Variants in FMNL1 observed in about 807,000 individuals in gnomAD.
FMNL1 encodes the protein formin like 1.
FMNL1 carries 43 observed loss-of-function variants against 121.3 expected under a neutral mutation model. The observed-to-expected ratio is 0.35, with a 90% CI of 0.28 to 0.46. The LOEUF is 0.46. Among genes scored for constraint, FMNL1 ranks in the 20% least tolerant of loss-of-function variants. The pLI is 1.00. For synonymous variants in FMNL1, 613 were observed against 613.5 expected (o/e 1.00, Z 0.01); for missense variants, 1,191 against 1,482.4 (o/e 0.80, Z 3.23).
At chr17:45,240,729 A>G (rs2143528393) in intron 12 of FMNL1, 104 bp downstream of exon 12, 2 of 1,446,024 alleles carry the variant, frequency 1.4e-6, no homozygotes, top group Non-Finnish European at 1.8e-6. Context: ...CAGTGTTATA[A>G]TTGTGCATTG....
In FMNL1 at chr17:45,246,559, T is replaced by C. The variant is rs2043842497; in HGVS notation, c.3266T>C (p.Leu1089Pro). ...ACCGGCAAGCGGACATCCCGGCTCC[T>C]CTGTGAGGCCAGCCTGGGAGAAGAG... ...ARTGKRTSRL[L>P]CEASLGEEMP... is the part of the protein sequence containing the mutation. Residue 1089 changes from leucine to proline, a missense_variant, in exon 26 of 27, where the codon CTC (leucine) becomes CCC (proline). Transcript: ENST00000331495. 1 of 1,612,634 alleles carries C rather than the reference T, an allele frequency of 6.2e-7. No individual in the cohort carries two copies. The highest frequency in any genetic ancestry group is 8.5e-7 in the Non-Finnish European group (1 of 1,178,922).
intron 10 of FMNL1, 150 bp downstream of exon 10, chr17:45,238,788 G>C: frequency 8.7e-7 from 1 of 1,145,592 alleles, no homozygotes; most frequent in Admixed American, 2.0e-5. Context: ...TGTTGGCAGG[G>C]GGCTGGATTG....
At chr17:45,223,148 CTAACTAAT>C (rs2043264391) in intron 1 of FMNL1, among the ~76,000 whole-genome samples, 1 of 152,244 alleles carries the variant, frequency 6.6e-6, no homozygotes, top group Admixed American at 6.5e-5. Flanking sequence ...GCTCCCTCCT[CTAACTAAT>C]TGCCTGGTGG....
At position 45,246,203 on chromosome 17, in the gene FMNL1, C is replaced by T. The variant is rs1412511367; in HGVS notation, c.3091-7C>T. The T allele has an allele frequency of 6.2e-7, 1 of 1,603,474 alleles. No homozygotes were observed. The highest frequency in any genetic ancestry group is 8.5e-7 in the Non-Finnish European group (1 of 1,172,374). ...ATCCTGGAGCTGGAGCTATAAATTCCCCCTAGTCACCGCCAAAGGCCCGGC... is the reference window on the plus strand; with the variant it reads ...ATCCTGGAGCTGGAGCTATAAATTCTCCCTAGTCACCGCCAAAGGCCCGGC... On this transcript the variant is annotated splice_region_variant and splice_polypyrimidine_tract_variant and intron_variant, in intron 24 of 26. Coordinates refer to ENST00000331495, the MANE Select transcript of FMNL1 (RefSeq NM_005892.4).
intron 1 of FMNL1, among the ~76,000 whole-genome samples, chr17:45,224,376 A>T (rs1404501456): frequency 6.6e-6 from 1 of 151,288 alleles, no homozygotes; most frequent in Non-Finnish European, 1.5e-5. Context: ...CGCTATGTGA[A>T]CCCCCACCCG....
chr17:45,245,117 C>T lies in FMNL1; in HGVS notation c.2728+9C>T. On this transcript the variant is annotated intron_variant, in intron 21 of 26. Coordinates refer to ENST00000331495, the MANE Select transcript of FMNL1 (RefSeq NM_005892.4). ...GGACAAGGCGGGCTCAGGTAGGAGA[C>T]ACACAGATCCTTGGGTGTGGGGAGG... 1 of 1,613,692 alleles carries T rather than the reference C, an allele frequency of 6.2e-7. No homozygotes were observed. Among genetic ancestry groups the T allele is most frequent in the Non-Finnish European group, 8.5e-7 (1 of 1,179,710 alleles).
chr17:45,234,224 G>T, intron 6 of FMNL1, 24 bp downstream of exon 6: 1 of 1,613,854 alleles, frequency 6.2e-7, no homozygotes, highest in South Asian at 1.1e-5. Context: ...AAAGTGGGGT[G>T]GTGGGAGAAC....
At chr17:45,238,436 C>T in intron 9 of FMNL1, 128 bp from the exon 10 acceptor site, 2 of 895,512 alleles carry the variant, frequency 2.2e-6, no homozygotes, top group Non-Finnish European at 3.5e-6. Flanking sequence ...AGGTTTTGAG[C>T]AGAAGAGTGA....
chr17:45,232,534 G>T lies in FMNL1; in HGVS notation c.327+54G>T, dbSNP rs1043506053. 3 of 1,549,136 alleles carry T rather than the reference G, an allele frequency of 1.9e-6. No individual in the cohort carries two copies. The African/African-American group carries it at 4.1e-5, about 21-fold the overall frequency. On this transcript the variant is annotated intron_variant, in intron 3 of 26. Coordinates refer to ENST00000331495, the MANE Select transcript of FMNL1 (RefSeq NM_005892.4). ...CTTTCCCCCACATTTTCCAAGCTCT[G>T]GGCAGCTGGAGTAACTGTGTGTACA...
At chr17:45,232,275 G>A (rs1164451915) in intron 2 of FMNL1, 92 bp from the exon 3 acceptor site, 11 of 1,127,984 alleles carry the variant, frequency 9.8e-6, no homozygotes, top group Middle Eastern at 2.7e-4. Flanking sequence ...ACCTCAGATC[G>A]GAGCTGAGAA....
chr17:45,246,289 A>G lies in FMNL1; in HGVS notation c.3170A>G (p.Tyr1057Cys), dbSNP rs2043831836. The change falls in exon 25 of 27, where the codon TAT (tyrosine) becomes TGT (cysteine). Residue 1057 changes from tyrosine (Y) to cysteine (C), a missense_variant. Tyr to Cys is a radical substitution (Grantham distance 194, BLOSUM62 -2). Around this residue, in one of 4 missense-constraint regions of FMNL1, gnomAD observed 367 missense variants for 528.6 expected, o/e 0.69. Coordinates refer to ENST00000331495, the MANE Select transcript of FMNL1 (RefSeq NM_005892.4). ...KRRQQKEPLI[Y>C]ESDRDGAIED... Reference sequence around the variant, plus strand: ...AGGCAGCAGAAGGAGCCACTCATTTATGAGAGCGACCGTGATGGGGCCATT... The same window carrying G: ...AGGCAGCAGAAGGAGCCACTCATTTGTGAGAGCGACCGTGATGGGGCCATT... 3 of 1,613,940 alleles carry G rather than the reference A, an allele frequency of 1.9e-6. No homozygotes were observed. The highest frequency in any genetic ancestry group is 1.1e-5 in the South Asian group (1 of 91,096).
intron 1 of FMNL1, among the ~76,000 whole-genome samples, chr17:45,225,146 G>A (rs890909678): frequency 6.6e-6 from 1 of 152,260 alleles, no homozygotes; most frequent in Non-Finnish European, 1.5e-5. Flanking sequence ...AGCCATGCTG[G>A]CATCCAGTAG....
intron 2 of FMNL1, among the ~76,000 whole-genome samples, chr17:45,232,110 G>A (rs2043451958): frequency 6.6e-6 from 1 of 152,134 alleles, no homozygotes; most frequent in Non-Finnish European, 1.5e-5. Context: ...GGAGTAGGAG[G>A]CTCCAGTGAA....
rs559180222 is a variant in FMNL1, at chr17:45,233,312, A to G, written c.401+15A>G. 7 of 1,554,082 alleles carry G rather than the reference A, an allele frequency of 4.5e-6. No individual in the cohort carries two copies. Among genetic ancestry groups the G allele is most frequent in the East Asian group, 4.8e-5 (2 of 41,558 alleles). ...AACCACATTGGGTGAGTGAGGGCTC[A>G]GATCTTCCTCTCTGGGCCTAGGAAG... On this transcript the variant is annotated intron_variant, in intron 4 of 26. Coordinates refer to ENST00000331495, the MANE Select transcript of FMNL1 (RefSeq NM_005892.4). This position sits in a 1 kb window ranked among gnomAD's most constrained non-coding sequence, Gnocchi z 4.1.
intron 1 of FMNL1, among the ~76,000 whole-genome samples, chr17:45,222,508 T>C (rs1345156676): frequency 1.3e-5 from 2 of 151,910 alleles, no homozygotes; most frequent in African/African-American, 2.4e-5. Flanking sequence ...GGTCTTAAGG[T>C]CTAAACAAGT....
At chr17:45,228,956 G>A (rs1351311074) in intron 1 of FMNL1, among the ~76,000 whole-genome samples, 1 of 152,136 alleles carries the variant, frequency 6.6e-6, no homozygotes, top group Admixed American at 6.5e-5. Context: ...CTGTGGGGTG[G>A]GGGTGACTGA....
chr17:45,237,177 A>G lies in FMNL1; in HGVS notation c.724-104A>G, dbSNP rs77766814. ...GGCCACAGAAGTTGCGGTTGGATAC[A>G]AAGAACTTCCTAAACTCGAGGGCAG... On this transcript the variant is annotated intron_variant, in intron 7 of 26. Transcript: ENST00000331495. The surrounding 1 kb of genome is among the most constrained non-coding windows in gnomAD (Gnocchi z 4.4). 60,480 of 1,066,712 alleles carry G rather than the reference A, an allele frequency of 0.057. 1,972 individuals carry two copies. The highest frequency in any genetic ancestry group is 0.1 in the Admixed American group (4,723 of 46,792). The allele number at this position is 1,066,712 out of a possible 1,614,324, so 66.1% of individuals were successfully genotyped here. A position where few individuals can be genotyped will look rare whatever the true frequency, so the allele number is the denominator to read the frequency against.
At position 45,221,948 on chromosome 17, in the gene FMNL1, C is replaced by A. The variant is rs901750970; in HGVS notation, c.-177C>A. 1.5e-4 allele frequency: 56 copies of A among 382,742 alleles called. No homozygotes were observed. Among genetic ancestry groups the A allele is most frequent in the Non-Finnish European group, 2.2e-4 (52 of 231,132 alleles). The allele number at this position is 382,742 out of a possible 1,614,324, so 23.7% of individuals were successfully genotyped here. A position where few individuals can be genotyped will look rare whatever the true frequency, so the allele number is the denominator to read the frequency against. ...CACGGACGGGGCCGCCCCGATGGGA[C>A]GCCGCGCTCCGGCCCCTGCGCGCCG... On this transcript the variant is annotated 5_prime_UTR_variant, in exon 1 of 27. Coordinates refer to ENST00000331495, the MANE Select transcript of FMNL1 (RefSeq NM_005892.4).
At chr17:45,235,348 T>C (rs1598194403) in intron 6 of FMNL1, among the ~76,000 whole-genome samples, 1 of 152,150 alleles carries the variant, frequency 6.6e-6, no homozygotes, top group East Asian at 1.9e-4. Flanking sequence ...AACTGTGTCT[T>C]ACAGACAGAT....
Sources: gnomAD v4.1 joint callset for allele counts (sites outside exome capture counted in the v4.1 genomes callset) on GRCh38, gnomAD v4.1.1 for gene constraint, gnomAD v4.1.1 regional missense constraint, Gnocchi (gnomAD v3.1) non-coding constraint, MANE v1.5 for transcripts, NCBI Gene and HGNC (gene_info 2026-07-23, HGNC 2026-07-21) for gene names.